GPC5: variants seen among roughly 807,000 people sequenced by gnomAD.
The protein encoded by GPC5 is glypican 5.
GPC5 carries 47 observed loss-of-function variants against 53.9 expected under a neutral mutation model. That is an observed-to-expected ratio of 0.87 (90% CI 0.69 to 1.11). The LOEUF (loss-of-function observed/expected upper bound fraction) is 1.11, where lower values mean the gene tolerates loss of function less well. Ranked by LOEUF, GPC5 falls within the 50% of genes most tolerant of loss-of-function variation. GPC5 has a pLI of 0.00. For synonymous variants in GPC5, 286 were observed against 263.3 expected (o/e 1.09, Z -0.84); for missense variants, 748 against 713.1 (o/e 1.05, Z -0.56).
At chr13:92,028,695 A>T (rs1162349944) in intron 6 of GPC5, among the ~76,000 whole-genome samples, 1 of 152,192 alleles carries the variant, frequency 6.6e-6, no homozygotes, top group Non-Finnish European at 1.5e-5. Flanking sequence ...AGTTCACTTA[A>T]AATATAATCT....
chr13:91,935,765 G>T (rs931587715), intron 6 of GPC5, among the ~76,000 whole-genome samples: 1 of 151,968 alleles, frequency 6.6e-6, no homozygotes, highest in African/African-American at 2.4e-5. Flanking sequence ...AAATGTTTTT[G>T]AGAGTTAATG....
At chr13:92,842,585 G>C (rs1449809584) in intron 7 of GPC5, among the ~76,000 whole-genome samples, 1 of 149,942 alleles carries the variant, frequency 6.7e-6, no homozygotes, top group African/African-American at 2.4e-5. Context: ...GCACACCCCA[G>C]AAAGAAAAGT....
At chr13:92,597,087 C>T (rs1279650925) in intron 7 of GPC5, among the ~76,000 whole-genome samples, 4 of 152,050 alleles carry the variant, frequency 2.6e-5, no homozygotes, top group South Asian at 2.1e-4. Flanking sequence ...TTTTATTTTA[C>T]GAATCACAAA....
chr13:91,851,173 C>T (rs1174117135), intron 5 of GPC5, among the ~76,000 whole-genome samples: 2 of 152,110 alleles, frequency 1.3e-5, no homozygotes, highest in Non-Finnish European at 2.9e-5. Flanking sequence ...AGAAAAAAGA[C>T]TTTAAACACA....
intron 3 of GPC5, among the ~76,000 whole-genome samples, chr13:91,710,851 A>C (rs2036209797): frequency 2.0e-5 from 3 of 149,972 alleles, no homozygotes; most frequent in Admixed American, 2.0e-4. Flanking sequence ...GTATTCTTTG[A>C]AGAAAAAAAA....
intron 7 of GPC5, among the ~76,000 whole-genome samples, chr13:92,484,115 G>A (rs948904291): frequency 4.6e-5 from 7 of 152,126 alleles, no homozygotes; most frequent in African/African-American, 1.7e-4. Context: ...TTCAGCCTGG[G>A]CAACACAGTG....
Position 92,592,758 on chromosome 13 carries a change from C to CA in GPC5, c.1562-273519dup, listed in dbSNP as rs1221623978. Among the ~76,000 whole-genome samples the CA allele has an allele frequency of 2.0e-5, 3 of 151,054 alleles. 1 individual carries two copies. The highest frequency in any genetic ancestry group is 4.4e-5 in the Non-Finnish European group (3 of 67,570). On this transcript the variant is annotated intron_variant, in intron 7 of 7. Transcript: ENST00000377067. ...TCTGGTCAGAGATAAATAGTAATTACAAAAAGTCCGAAGATTGGAACAAGT... is the reference window on the plus strand; with the variant it reads ...TCTGGTCAGAGATAAATAGTAATTACAAAAAAGTCCGAAGATTGGAACAAGT...
Position 91,650,750 on chromosome 13 carries a change from G to GTTTTTGTTTTTTTTTTTTT in GPC5, c.326-42432_326-42431insGTTTTTTTTTTTTTTTTTT, listed in dbSNP as rs1491353283. Among the ~76,000 whole-genome samples, 160 of 99,588 alleles carry GTTTTTGTTTTTTTTTTTTT rather than the reference G, an allele frequency of 1.6e-3. 4 individuals are homozygous for GTTTTTGTTTTTTTTTTTTT. The highest frequency in any genetic ancestry group is 6.0e-3 in the Middle Eastern group (1 of 166). 65.3% of individuals were successfully genotyped at this position (99,588 alleles called of 152,430 possible). ...CATCTGTGAAACAAAATTCCCATAA[G>GTTTTTGTTTTTTTTTTTTT]TTTTTTTTTTTTTTTTTTTTTTAGC... On this transcript the variant is annotated intron_variant, in intron 2 of 7. Transcript: ENST00000377067.
intron 7 of GPC5, among the ~76,000 whole-genome samples, chr13:92,362,941 T>A (rs1034195900): frequency 3.8e-4 from 58 of 151,716 alleles, no homozygotes; most frequent in African/African-American, 4.9e-5. Context: ...TTTCAGGCTA[T>A]TGCACAGGAC....
At chr13:92,610,662 A>T (rs2139094430) in intron 7 of GPC5, among the ~76,000 whole-genome samples, 1 of 152,292 alleles carries the variant, frequency 6.6e-6, no homozygotes, top group South Asian at 2.1e-4. Flanking sequence ...AAAGAAAGAG[A>T]TTTAATTGAC....
intron 6 of GPC5, among the ~76,000 whole-genome samples, chr13:91,966,004 G>T (rs1210192186): frequency 6.6e-6 from 1 of 152,116 alleles, no homozygotes; most frequent in Admixed American, 6.6e-5. Flanking sequence ...GATAGAATTG[G>T]ATGTACTTAC....
At chr13:91,676,290 T>G (rs1489494443) in intron 2 of GPC5, among the ~76,000 whole-genome samples, 1 of 152,100 alleles carries the variant, frequency 6.6e-6, no homozygotes, top group Non-Finnish European at 1.5e-5. Context: ...AGGCTGGTCT[T>G]GAACTCCTGG....
chr13:92,695,784 G>A (rs962443220), intron 7 of GPC5, among the ~76,000 whole-genome samples: 3 of 151,760 alleles, frequency 2.0e-5, no homozygotes, highest in Non-Finnish European at 4.4e-5. Flanking sequence ...CATGTGCCAT[G>A]GTTGTTTGTG....
chr13:92,131,508 A>G (rs2041743126), intron 6 of GPC5, among the ~76,000 whole-genome samples: 1 of 152,058 alleles, frequency 6.6e-6, no homozygotes, highest in Admixed American at 6.6e-5. Context: ...TAAAGTATGA[A>G]CTATAGGTAT....
intron 7 of GPC5, among the ~76,000 whole-genome samples, chr13:92,150,414 T>C (rs1418397834): frequency 6.6e-6 from 1 of 152,010 alleles, no homozygotes; most frequent in Non-Finnish European, 1.5e-5. Context: ...ATGAAATATA[T>C]GTCTAAGATA....
chr13:91,991,069 A>G (rs946548603), intron 6 of GPC5, among the ~76,000 whole-genome samples: 1 of 152,208 alleles, frequency 6.6e-6, no homozygotes, highest in African/African-American at 2.4e-5. Context: ...ATTCATAGCA[A>G]AAGCAATGGC....
chr13:92,457,135 A>T (rs1233874237), intron 7 of GPC5, among the ~76,000 whole-genome samples: 1 of 152,014 alleles, frequency 6.6e-6, no homozygotes, highest in Non-Finnish European at 1.5e-5. Context: ...GTTCACTGTT[A>T]ATGGCCTCCA....
chr13:92,101,147 A>T (rs1365912192), intron 6 of GPC5, among the ~76,000 whole-genome samples: 1 of 152,106 alleles, frequency 6.6e-6, no homozygotes, highest in Non-Finnish European at 1.5e-5. Flanking sequence ...AAAACATCAA[A>T]TGAGAAACAT....
chr13:92,050,652 A>G (rs1019290336), intron 6 of GPC5, among the ~76,000 whole-genome samples: 1 of 152,220 alleles, frequency 6.6e-6, no homozygotes, highest in Non-Finnish European at 1.5e-5. Flanking sequence ...GACATTTCAC[A>G]TAAACAATTT....
Sources: gnomAD v4.1 joint callset for allele counts (sites outside exome capture counted in the v4.1 genomes callset) on GRCh38, gnomAD v4.1.1 for gene constraint, MANE v1.5 for transcripts, NCBI Gene and HGNC (gene_info 2026-07-23, HGNC 2026-07-21) for gene names.